ARHGEF4: variants seen among roughly 807,000 people sequenced by gnomAD.
ARHGEF4 encodes the protein APC-stimulated guanine nucleotide exchange factor 1.
In ARHGEF4, 119 loss-of-function variants were observed where a neutral mutation model predicts 162.0. The observed-to-expected ratio is 0.73, with a 90% CI of 0.63 to 0.86. The LOEUF (loss-of-function observed/expected upper bound fraction) is 0.86. Among genes scored for constraint, ARHGEF4 ranks in the 40% least tolerant of loss-of-function variants. The pLI is 0.00. For synonymous variants in ARHGEF4, 1,014 were observed against 979.9 expected (o/e 1.03, Z -0.65); for missense variants, 2,488 against 2,456.0 (o/e 1.01, Z -0.28).
chr2:130,903,159 T>C (rs1292215469), intron 1 of ARHGEF4, among the ~76,000 whole-genome samples: 1 of 152,084 alleles, frequency 6.6e-6, no homozygotes, highest in East Asian at 1.9e-4. Flanking sequence ...ATTTAGAATT[T>C]TTATGGTGCC....
At chr2:130,982,494 A>C (rs1445176560) in intron 4 of ARHGEF4, among the ~76,000 whole-genome samples, 3 of 152,120 alleles carry the variant, frequency 2.0e-5, no homozygotes, top group Admixed American at 6.5e-5. Context: ...TGACTTACAC[A>C]GATTATCCAT....
Position 131,046,232 on chromosome 2 carries a change from T to G in ARHGEF4, c.*43T>G, listed in dbSNP as rs1309069014. On this transcript the variant is annotated 3_prime_UTR_variant, in exon 14 of 14. Coordinates refer to ENST00000409359, the MANE Select transcript of ARHGEF4 (RefSeq NM_001367493.1). ...AGCACCTGCTGGGCCTTCCTGCCAG[T>G]GGCCCCCAGTTTTTCTTCCCCGAGG... The G allele has an allele frequency of 1.9e-6, 3 of 1,569,474 alleles. No individual in the cohort carries two copies. Among genetic ancestry groups the G allele is most frequent in the Non-Finnish European group, 2.6e-6 (3 of 1,151,246 alleles).
intron 2 of ARHGEF4, among the ~76,000 whole-genome samples, chr2:130,929,399 ATATG>A (rs1682488379): frequency 6.6e-6 from 1 of 152,152 alleles, no homozygotes; most frequent in Admixed American, 6.6e-5. Context: ...AAACATATGC[ATATG>A]TATACATTTT....
At chr2:130,851,627 A>G (rs1005043594) in intron 1 of ARHGEF4, among the ~76,000 whole-genome samples, 1 of 152,222 alleles carries the variant, frequency 6.6e-6, no homozygotes, top group African/African-American at 2.4e-5. Flanking sequence ...GCAGCAGGGC[A>G]GAGCTCGACA....
intron 13 of ARHGEF4, 21 bp downstream of exon 13, chr2:131,045,467 C>T (rs766374183): frequency 6.2e-7 from 1 of 1,613,576 alleles, no homozygotes; most frequent in Non-Finnish European, 8.5e-7. Context: ...AGCAGCCCCA[C>T]CTCCTCGGCT....
rs775329930 is a variant in ARHGEF4, at chr2:130,913,987, C to T, written c.41C>T (p.Thr14Ile). The T allele has an allele frequency of 3.9e-6, 6 of 1,535,994 alleles. No homozygotes were observed. The African/African-American group carries it at 8.2e-5, about 21-fold the overall frequency. The change falls in exon 2 of 14, where the codon ACT (threonine) becomes ATT (isoleucine). Residue 14 changes from threonine (T) to isoleucine (I), a missense_variant and splice_region_variant. Thr to Ile is a moderately conservative substitution (Grantham distance 89). Around this residue, in one of 6 missense-constraint regions of ARHGEF4, gnomAD observed 171 missense variants for 169.4 expected, o/e 1.01. Transcript: ENST00000409359. The part of the protein sequence containing the change: ...VVHFLRSFFK[T>I]PEPGAHLPGE... ...ACTCCTCTCTTCTTGCCCTCCCAGA[C>T]TCCAGAGCCAGGTGCACACCTGCCA...
chr2:130,917,428 G>T lies in ARHGEF4; in HGVS notation c.3482G>T (p.Ser1161Ile). Residue 1161 changes from serine (S) to isoleucine (I), a missense_variant, in exon 2 of 14, where the codon AGC becomes ATC. Around this residue, in one of 6 missense-constraint regions of ARHGEF4, gnomAD observed 1,642 missense variants for 1,481.5 expected, o/e 1.11. Transcript: ENST00000409359. ...TLNQDEQKEE[S>I]REGGQGPRGL... is the part of the protein sequence containing the mutation. ...AACCAAGATGAGCAGAAGGAAGAGA[G>T]CAGGGAAGGAGGCCAGGGTCCGCGC... 1 of 1,550,674 alleles carries T rather than the reference G, an allele frequency of 6.4e-7. No homozygotes were observed. The highest frequency in any genetic ancestry group is 1.2e-5 in the South Asian group (1 of 84,064).
At chr2:130,890,524 T>A (rs985873954) in intron 1 of ARHGEF4, among the ~76,000 whole-genome samples, 1 of 151,100 alleles carries the variant, frequency 6.6e-6, no homozygotes, top group Non-Finnish European at 1.5e-5. Flanking sequence ...ATCACGCAAC[T>A]GCACTCCAGC....
chr2:130,985,948 TTG>T (rs145925423), intron 4 of ARHGEF4, among the ~76,000 whole-genome samples: 3,719 of 151,806 alleles, frequency 0.024, 165 homozygotes, highest in East Asian at 0.21. Context: ...GTGTTGAGTG[TTG>T]TGTGTGTGTG....
intron 4 of ARHGEF4, among the ~76,000 whole-genome samples, chr2:130,986,571 C>T (rs1365053725): frequency 1.3e-5 from 2 of 152,150 alleles, no homozygotes; most frequent in Non-Finnish European, 2.9e-5. Context: ...GGATCTGCGC[C>T]GCCTGGTGTG....
At chr2:130,962,611 T>C (rs1232769084) in intron 4 of ARHGEF4, among the ~76,000 whole-genome samples, 5 of 152,116 alleles carry the variant, frequency 3.3e-5, no homozygotes, top group Non-Finnish European at 5.9e-5. Context: ...CGGATGGAGA[T>C]GGGCCACAGG....
intron 1 of ARHGEF4, among the ~76,000 whole-genome samples, chr2:130,869,075 C>G (rs1682500908): frequency 6.6e-6 from 1 of 152,202 alleles, no homozygotes; most frequent in Non-Finnish European, 1.5e-5. Flanking sequence ...GGTTCTTGGG[C>G]TTAGGACACA....
chr2:130,955,759 C>G (rs13034562), intron 4 of ARHGEF4, among the ~76,000 whole-genome samples: 12,084 of 152,214 alleles, frequency 0.079, 569 homozygotes, highest in Non-Finnish European at 0.11. Flanking sequence ...TCTTCTGATC[C>G]TAGAAGGGCT....
At position 131,041,828 on chromosome 2, in the gene ARHGEF4, G is replaced by T; in HGVS notation, c.4909G>T (p.Val1637Phe). The T allele has an allele frequency of 6.2e-7, 1 of 1,613,384 alleles. No homozygotes were observed. Among genetic ancestry groups the T allele is most frequent in the Non-Finnish European group, 8.5e-7 (1 of 1,179,986 alleles). ...GTTCTGCCCCAGGGACTTCAAGGAT[G>T]TTGAAGCCGCCTTGCATGCCATGAA... Reference protein sequence around the residue: ...THPQHRDFKDVEAALHAMKNV... With the variant: ...THPQHRDFKDFEAALHAMKNV... Residue 1637 changes from valine to phenylalanine, a missense_variant, in exon 10 of 14, where the codon GTT becomes TTT. Transcript: ENST00000409359.
chr2:130,877,246 G>A (rs992710270), intron 1 of ARHGEF4, among the ~76,000 whole-genome samples: 1 of 152,182 alleles, frequency 6.6e-6, no homozygotes, highest in African/African-American at 2.4e-5. Flanking sequence ...GAGAGGGGAT[G>A]TGCTTTTTTA....
At position 130,871,546 on chromosome 2, in the gene ARHGEF4, T is replaced by A. The variant is rs1002673290; in HGVS notation, c.39+34554T>A. Among the ~76,000 whole-genome samples the A allele has an allele frequency of 8.0e-5, 12 of 149,284 alleles. 1 individual carries two copies. The South Asian group carries it at 8.4e-4, about 11-fold the overall frequency. On this transcript the variant is annotated intron_variant, in intron 1 of 13. Coordinates refer to ENST00000409359, the MANE Select transcript of ARHGEF4 (RefSeq NM_001367493.1). ...AGCAAAACTCCGTCTCAAAAAAATATATATATATACATATATATATACACA... is the reference window on the plus strand; with the variant it reads ...AGCAAAACTCCGTCTCAAAAAAATAAATATATATACATATATATATACACA...
At chr2:130,880,655 C>T (rs1335428528) in intron 1 of ARHGEF4, among the ~76,000 whole-genome samples, 1 of 152,168 alleles carries the variant, frequency 6.6e-6, no homozygotes, top group Non-Finnish European at 1.5e-5. Context: ...CTGCCCCAGC[C>T]CCCTGATTAG....
At chr2:130,924,121 T>C (rs1682074514) in intron 2 of ARHGEF4, among the ~76,000 whole-genome samples, 1 of 151,880 alleles carries the variant, frequency 6.6e-6, no homozygotes, top group Admixed American at 6.6e-5. Flanking sequence ...GACCTCGTGA[T>C]CCACCTACCT....
chr2:130,945,119 A>C (rs1683525282), intron 3 of ARHGEF4, among the ~76,000 whole-genome samples: 1 of 152,002 alleles, frequency 6.6e-6, no homozygotes, highest in Non-Finnish European at 1.5e-5. Flanking sequence ...GGTCAGATCC[A>C]CTCATACAGC....
Sources: gnomAD v4.1 joint callset for allele counts (sites outside exome capture counted in the v4.1 genomes callset) on GRCh38, gnomAD v4.1.1 for gene constraint, gnomAD v4.1.1 regional missense constraint, MANE v1.5 for transcripts, NCBI Gene and HGNC (gene_info 2026-07-23, HGNC 2026-07-21) for gene names.